The following DSE variants were observed in gnomAD, a reference collection of about 807,000 sequenced individuals.
The protein encoded by DSE is dermatan-sulfate epimerase.
DSE carries 36 observed loss-of-function variants against 84.4 expected under a neutral mutation model. That is an observed-to-expected ratio of 0.43 (90% CI 0.33 to 0.56). DSE has a LOEUF of 0.56. Among genes scored for constraint, DSE ranks in the 20% least tolerant of loss-of-function variants. The probability of loss-of-function intolerance (pLI) is 0.06; values close to 1 mark genes in which losing one functional copy is unlikely to be tolerated. For missense variants in DSE, 862 were observed against 1,169.6 expected, an observed-to-expected ratio of 0.74 and a Z score of 3.84; for synonymous variants, 410 against 430.1, an observed-to-expected ratio of 0.95 and a Z score of 0.58.
chr6:116,284,732 A>G (rs949409875), intron 2 of DSE, among the ~76,000 whole-genome samples: 1 of 129,356 alleles, frequency 7.7e-6, no homozygotes, highest in African/African-American at 3.0e-5. Context: ...AAGTGTTCTC[A>G]TTGTTCAATT....
intron 2 of DSE, among the ~76,000 whole-genome samples, chr6:116,344,082 G>GA (rs1777789669): frequency 6.6e-6 from 1 of 152,090 alleles, no homozygotes. Context: ...AAAGTTTAGA[G>GA]AAAAAAGAGT....
chr6:116,440,103 G>A lies in DSE; in HGVS notation c.*2758G>A, dbSNP rs995241706. On this transcript the variant is annotated 3_prime_UTR_variant, in exon 6 of 6. Transcript: ENST00000644252. ...AATCGTCAAAGTCAGGTGGAAGACC[G>A]TGTTCTGGAACTATTTTAATTGTTA... The A allele has an allele frequency of 6.6e-6, 1 of 152,088 alleles. No individual in the cohort carries two copies. The highest frequency in any genetic ancestry group is 1.5e-5 in the Non-Finnish European group (1 of 68,004). The allele number at this position is 152,088 out of a possible 1,614,324, so 9.4% of individuals were successfully genotyped here.
chr6:116,329,554 A>G (rs1356452004), intron 2 of DSE, among the ~76,000 whole-genome samples: 1 of 152,220 alleles, frequency 6.6e-6, no homozygotes, highest in Non-Finnish European at 1.5e-5. Context: ...GATTTGTATG[A>G]ATCTGATGAA....
chr6:116,255,434 G>C (rs1006942842), intron 1 of DSE: 7 of 152,312 alleles, frequency 4.6e-5, no homozygotes, highest in Admixed American at 2.6e-4. Context: ...AGGATTTTTT[G>C]TATGCCTAGT....
intron 3 of DSE, among the ~76,000 whole-genome samples, chr6:116,429,484 C>G (rs1428938293): frequency 6.6e-6 from 1 of 152,174 alleles, no homozygotes; most frequent in Non-Finnish European, 1.5e-5. Context: ...AAAGGAAAAC[C>G]TTAAATCTAA....
At chr6:116,417,898 T>A (rs13206861) in intron 2 of DSE, among the ~76,000 whole-genome samples, 1 of 151,984 alleles carries the variant, frequency 6.6e-6, no homozygotes, top group African/African-American at 2.4e-5. Flanking sequence ...GTGGCAAGGA[T>A]AAGTTTTAAT....
intron 2 of DSE, among the ~76,000 whole-genome samples, chr6:116,349,542 A>T (rs941094155): frequency 6.6e-6 from 1 of 152,216 alleles, no homozygotes; most frequent in Admixed American, 6.5e-5. Context: ...TCCAACTGTG[A>T]CTACAGCCTC....
At chr6:116,291,984 GC>G (rs1468160465) in intron 2 of DSE, among the ~76,000 whole-genome samples, 2 of 152,152 alleles carry the variant, frequency 1.3e-5, no homozygotes, top group Non-Finnish European at 2.9e-5. Flanking sequence ...CAACAGTTCA[GC>G]TACAGACAAG....
At chr6:116,289,600 C>A (rs1774152974) in intron 2 of DSE, among the ~76,000 whole-genome samples, 1 of 151,630 alleles carries the variant, frequency 6.6e-6, no homozygotes, top group Non-Finnish European at 1.5e-5. Context: ...GGTCAAAGAA[C>A]CTTTTCAGAA....
intron 2 of DSE, among the ~76,000 whole-genome samples, chr6:116,348,842 G>A (rs1433358501): frequency 1.3e-5 from 2 of 152,132 alleles, no homozygotes; most frequent in Non-Finnish European, 2.9e-5. Flanking sequence ...GGATGAAGCT[G>A]GAAACCATCA....
intron 1 of DSE, among the ~76,000 whole-genome samples, chr6:116,371,815 A>G (rs892302974): frequency 6.6e-6 from 1 of 152,188 alleles, no homozygotes; most frequent in East Asian, 1.9e-4. Flanking sequence ...TGGGCTCAAG[A>G]TCTGTCGGGG....
chr6:116,386,666 G>A (rs1780594413), intron 1 of DSE, among the ~76,000 whole-genome samples: 1 of 152,200 alleles, frequency 6.6e-6, no homozygotes, highest in Non-Finnish European at 1.5e-5. Context: ...AGCAAAGATA[G>A]GAGTTTATCA....
At chr6:116,430,430 C>T (rs374714288) in intron 3 of DSE, among the ~76,000 whole-genome samples, 1 of 152,198 alleles carries the variant, frequency 6.6e-6, no homozygotes, top group African/African-American at 2.4e-5. Flanking sequence ...TACAAATCCT[C>T]TCTTGCCAAC....
chr6:116,429,815 G>A lies in DSE; in HGVS notation c.671-1139G>A, dbSNP rs1288698772. Among the ~76,000 whole-genome samples the A allele has an allele frequency of 3.0e-5, 2 of 66,632 alleles. 1 individual carries two copies. Among genetic ancestry groups the A allele is most frequent in the Admixed American group, 3.5e-4 (2 of 5,738 alleles). The allele number at this position is 66,632 out of a possible 152,430, so 43.7% of individuals were successfully genotyped here. On this transcript the variant is annotated intron_variant, in intron 3 of 5. Transcript: ENST00000644252. ...TACAAAAAAAAAATTAGCCGGGCGT[G>A]ATGGCGGGCGCCTGCAGTCCCAGCT... is the stretch of plus-strand genomic sequence containing the variant.
At position 116,413,958 on chromosome 6, in the gene DSE, C is replaced by T. The variant is rs3798406; in HGVS notation, c.417-12616C>T. 4.5e-3 allele frequency among the ~76,000 whole-genome samples: 683 copies of T among 152,222 alleles called. 22 individuals are homozygous for T. The highest frequency in any genetic ancestry group is 0.042 in the South Asian group (205 of 4,824). Reference sequence around the variant, plus strand: ...AGTAATTCTTTGCCCTTTTGCCTGCCGTGTTCTCAGAATATTAGGCAAGTG... The same window carrying T: ...AGTAATTCTTTGCCCTTTTGCCTGCTGTGTTCTCAGAATATTAGGCAAGTG... On this transcript the variant is annotated intron_variant, in intron 2 of 5. Transcript: ENST00000644252.
At chr6:116,409,170 C>T (rs1174030255) in intron 2 of DSE, among the ~76,000 whole-genome samples, 2 of 152,202 alleles carry the variant, frequency 1.3e-5, no homozygotes, top group African/African-American at 2.4e-5. Context: ...ATCTTTATTA[C>T]TTCACTTATA....
At chr6:116,308,423 C>T (rs574150110) in intron 2 of DSE, among the ~76,000 whole-genome samples, 2 of 152,142 alleles carry the variant, frequency 1.3e-5, no homozygotes, top group African/African-American at 4.8e-5. Flanking sequence ...GCTGTTTAGA[C>T]AGAAAATATT....
At chr6:116,279,959 T>C in intron 2 of DSE, 1 of 1,352,746 alleles carries the variant, frequency 7.4e-7, no homozygotes, top group East Asian at 2.3e-5. Flanking sequence ...TCGTCAGGAC[T>C]GGAGATCTCA....
intron 2 of DSE, among the ~76,000 whole-genome samples, chr6:116,335,447 C>CA (rs923378644): frequency 6.6e-6 from 1 of 151,908 alleles, no homozygotes; most frequent in African/African-American, 2.4e-5. Context: ...ACCTGGGTGA[C>CA]AAAAAAATCT....
Sources: gnomAD v4.1 joint callset for allele counts (sites outside exome capture counted in the v4.1 genomes callset) on GRCh38, gnomAD v4.1.1 for gene constraint, MANE v1.5 for transcripts, NCBI Gene and HGNC (gene_info 2026-07-23, HGNC 2026-07-21) for gene names.